The following LARS2 variants were observed in gnomAD, a reference collection of about 807,000 sequenced individuals.
LARS2 encodes the protein leucine--tRNA ligase, mitochondrial.
A neutral mutation model predicts 116.6 loss-of-function variants in LARS2; 81 were observed. That is an observed-to-expected ratio of 0.69 (90% CI 0.58 to 0.84). The LOEUF (loss-of-function observed/expected upper bound fraction) is 0.84, where lower values mean the gene tolerates loss of function less well. Ranked by LOEUF, LARS2 falls within the 40% of genes least tolerant of loss-of-function variation. The probability of loss-of-function intolerance (pLI) is 0.00; values close to 1 mark genes in which losing one functional copy is unlikely to be tolerated. For synonymous variants in LARS2, 396 were observed against 407.2 expected, an observed-to-expected ratio of 0.97 and a Z score of 0.33; for missense variants, 968 against 1,114.5, an observed-to-expected ratio of 0.87 and a Z score of 1.87.
intron 20 of LARS2, among the ~76,000 whole-genome samples, chr3:45,537,215 C>T (rs1700720146): frequency 6.6e-6 from 1 of 152,178 alleles, no homozygotes. Flanking sequence ...CTCGTGATCT[C>T]CAAGTAATCC....
chr3:45,459,216 AAG>A (rs754047525), intron 8 of LARS2, among the ~76,000 whole-genome samples: 103 of 152,366 alleles, frequency 6.8e-4, no homozygotes, highest in South Asian at 6.2e-4. Context: ...CCTTTAAAAA[AAG>A]AGAGAGAAAA....
intron 6 of LARS2, among the ~76,000 whole-genome samples, chr3:45,446,362 A>G (rs1699018297): frequency 6.6e-6 from 1 of 152,252 alleles, no homozygotes; most frequent in African/African-American, 2.4e-5. Context: ...CTTCCTAAGT[A>G]AACAACAGCC....
At chr3:45,516,009 A>T (rs1266710331) in intron 16 of LARS2, 85 bp from the exon 17 acceptor site, 2 of 1,039,960 alleles carry the variant, frequency 1.9e-6, no homozygotes, top group Non-Finnish European at 2.8e-6. Flanking sequence ...TCCATCGCTC[A>T]CCCAGTTTTT....
chr3:45,389,929 T>C (rs547012113), intron 1 of LARS2, among the ~76,000 whole-genome samples: 1 of 152,312 alleles, frequency 6.6e-6, no homozygotes, highest in Admixed American at 6.5e-5. Context: ...CCTAGGAAGT[T>C]GTGTAATGAA....
intron 2 of LARS2, among the ~76,000 whole-genome samples, chr3:45,393,242 CT>C (rs1311280471): frequency 7.2e-6 from 1 of 138,676 alleles, no homozygotes; most frequent in Non-Finnish European, 1.6e-5. Flanking sequence ...TTGTTTGTTT[CT>C]TATCTGCTTC....
At chr3:45,453,998 G>C (rs1302682711) in intron 7 of LARS2, among the ~76,000 whole-genome samples, 1 of 152,092 alleles carries the variant, frequency 6.6e-6, no homozygotes, top group Non-Finnish European at 1.5e-5. Flanking sequence ...ATCTAGAAGG[G>C]ACAGGCACCC....
At chr3:45,444,171 A>ATTTTTTTTT (rs71095037) in intron 6 of LARS2, among the ~76,000 whole-genome samples, 2 of 132,064 alleles carry the variant, frequency 1.5e-5, no homozygotes, top group African/African-American at 5.6e-5. Context: ...TTCCTGGCTA[A>ATTTTTTTTT]TTTTTTTTTT....
chr3:45,476,331 C>T, intron 9 of LARS2, 137 bp from the exon 10 acceptor site: 1 of 886,588 alleles, frequency 1.1e-6, no homozygotes, highest in Non-Finnish European at 1.8e-6. Context: ...TCTCAATCCC[C>T]ACACCCCTGG....
intron 4 of LARS2, among the ~76,000 whole-genome samples, chr3:45,414,015 G>A (rs1698376105): frequency 6.6e-6 from 1 of 152,202 alleles, no homozygotes; most frequent in African/African-American, 2.4e-5. Context: ...TTCTGGGGAT[G>A]CCATTTGGCT....
chr3:45,441,903 A>G (rs926855221), intron 6 of LARS2, among the ~76,000 whole-genome samples: 2 of 152,182 alleles, frequency 1.3e-5, no homozygotes, highest in African/African-American at 2.4e-5. Context: ...TTTTAATGCT[A>G]AAAACCAGGT....
At chr3:45,532,109 A>G (rs1693607607) in intron 20 of LARS2, among the ~76,000 whole-genome samples, 1 of 152,118 alleles carries the variant, frequency 6.6e-6, no homozygotes, top group Non-Finnish European at 1.5e-5. Context: ...TTTCTTTATT[A>G]TACTTTTTAG....
At chr3:45,490,519 A>G (rs1202556745) in intron 12 of LARS2, among the ~76,000 whole-genome samples, 9 of 152,228 alleles carry the variant, frequency 5.9e-5, no homozygotes, top group African/African-American at 2.2e-4. Context: ...TTAGGAGAAG[A>G]CTGACTTTCA....
intron 7 of LARS2, among the ~76,000 whole-genome samples, chr3:45,449,272 C>G (rs1311115439): frequency 6.6e-6 from 1 of 151,072 alleles, no homozygotes; most frequent in Non-Finnish European, 1.5e-5. Flanking sequence ...AAGCAATTCT[C>G]CTACCTCAGC....
At chr3:45,401,968 G>A (rs1265870270) in intron 4 of LARS2, among the ~76,000 whole-genome samples, 1 of 152,124 alleles carries the variant, frequency 6.6e-6, no homozygotes, top group Non-Finnish European at 1.5e-5. Context: ...TTTAAGATGG[G>A]TGTTGGATAA....
chr3:45,498,730 C>A (rs1190057371), intron 14 of LARS2, among the ~76,000 whole-genome samples: 1 of 152,228 alleles, frequency 6.6e-6, no homozygotes, highest in African/African-American at 2.4e-5. Flanking sequence ...CTTGGCAACA[C>A]AGAGGTCTGT....
intron 6 of LARS2, among the ~76,000 whole-genome samples, chr3:45,438,320 A>G (rs370942807): frequency 2.0e-5 from 3 of 152,038 alleles, no homozygotes; most frequent in Non-Finnish European, 2.9e-5. Context: ...TGCACTTCCC[A>G]TGGTGCCATG....
intron 20 of LARS2, among the ~76,000 whole-genome samples, chr3:45,529,360 A>G (rs1700580430): frequency 6.6e-6 from 1 of 151,972 alleles, no homozygotes; most frequent in Non-Finnish European, 1.5e-5. Context: ...TGAGGTCGGG[A>G]GTTCGAGACC....
chr3:45,487,407 C>T (rs2125728863), intron 11 of LARS2, among the ~76,000 whole-genome samples: 1 of 152,252 alleles, frequency 6.6e-6, no homozygotes, highest in East Asian at 1.9e-4. Context: ...ATGTTTGGGA[C>T]CTTTAGAACA....
At chr3:45,411,020 C>G (rs1360765701) in intron 4 of LARS2, among the ~76,000 whole-genome samples, 2 of 152,204 alleles carry the variant, frequency 1.3e-5, no homozygotes, top group African/African-American at 2.4e-5. Flanking sequence ...TTTCTTAAAA[C>G]TGCATAGAAT....
Sources: allele counts gnomAD v4.1 joint callset (sites outside exome capture counted in the v4.1 genomes callset), GRCh38; gene constraint gnomAD v4.1.1; transcripts MANE v1.5; gene names NCBI Gene and HGNC (gene_info 2026-07-23, HGNC 2026-07-21).